TRAF3IP3: variants seen among roughly 807,000 people sequenced by gnomAD.
The protein encoded by TRAF3IP3 is TRAF3 interacting protein 3, also known as TRAF3-interacting JNK-activating modulator.
Under a neutral mutation model 86.5 loss-of-function variants are expected in TRAF3IP3, and 64 were observed. The ratio of observed to expected loss-of-function variants is 0.74; its 90% CI spans 0.60 to 0.91. The LOEUF is 0.91. Ranked by LOEUF, TRAF3IP3 falls within the 40% of genes least tolerant of loss-of-function variation. The pLI is 0.00. For synonymous variants in TRAF3IP3, 220 were observed against 243.9 expected (o/e 0.90, Z 0.91); for missense variants, 579 against 642.9 (o/e 0.90, Z 1.07).
chr1:209,762,915 C>A, intron 5 of TRAF3IP3, 45 bp downstream of exon 5: 1 of 1,611,308 alleles, frequency 6.2e-7, no homozygotes, highest in Non-Finnish European at 8.5e-7. Flanking sequence ...CCATTCCTCT[C>A]TAGAGAGAAC....
chr1:209,769,367 G>A (rs1009157068), intron 8 of TRAF3IP3, among the ~76,000 whole-genome samples: 1 of 152,222 alleles, frequency 6.6e-6, no homozygotes, highest in Non-Finnish European at 1.5e-5. Flanking sequence ...TCAAACAGTA[G>A]AAGTCTTTGT....
intron 8 of TRAF3IP3, among the ~76,000 whole-genome samples, chr1:209,766,643 C>T (rs1241949238): frequency 6.6e-6 from 1 of 152,212 alleles, no homozygotes; most frequent in Non-Finnish European, 1.5e-5. Flanking sequence ...GCAGGTGGAC[C>T]ACTTGAGGCC....
chr1:209,768,699 GT>G (rs1412119331), intron 8 of TRAF3IP3: 47 of 985,428 alleles, frequency 4.8e-5, no homozygotes, highest in Non-Finnish European at 5.5e-5. Flanking sequence ...CTTCACTGGG[GT>G]TTATATGCCC....
intron 14 of TRAF3IP3, 128 bp downstream of exon 14, chr1:209,779,502 G>T: frequency 1.2e-6 from 1 of 801,124 alleles, no homozygotes; most frequent in Non-Finnish European, 2.2e-6. Flanking sequence ...TCCGGGATGT[G>T]TGGGAGCTTT....
chr1:209,781,563 TCC>T (rs2077781311), intron 16 of TRAF3IP3, 105 bp downstream of exon 16: 3 of 778,192 alleles, frequency 3.9e-6, no homozygotes, highest in Non-Finnish European at 4.4e-6. Context: ...CAACTGGCCA[TCC>T]TGTCCCACTG....
chr1:209,759,454 T>C (rs1406781640), intron 2 of TRAF3IP3, among the ~76,000 whole-genome samples: 1 of 151,638 alleles, frequency 6.6e-6, no homozygotes. Flanking sequence ...CCTGAGGGGG[T>C]GTGGTTAGCC....
intron 3 of TRAF3IP3, 145 bp downstream of exon 3, chr1:209,760,529 T>C (rs2077228538): frequency 4.3e-6 from 3 of 699,010 alleles, no homozygotes; most frequent in Non-Finnish European, 7.1e-6. Flanking sequence ...GAGCTACTTA[T>C]AGTAAAGTTG....
chr1:209,761,716 T>C (rs2077247826), intron 3 of TRAF3IP3, among the ~76,000 whole-genome samples: 1 of 152,258 alleles, frequency 6.6e-6, no homozygotes, highest in African/African-American at 2.4e-5. Context: ...AGGAACCTTA[T>C]GGATTATCTA....
chr1:209,760,195 A>G lies in TRAF3IP3; in HGVS notation c.156A>G (p.Gln52=), dbSNP rs2076150. The G allele has an allele frequency of 0.25, 410,884 of 1,613,936 alleles. 60,820 individuals carry two copies. The highest frequency in any genetic ancestry group is 0.69 in the African/African-American group (51,767 of 74,980). The change falls in exon 3 of 17, where the codon CAA becomes CAG. Residue 52 remains glutamine (Q), a synonymous_variant. Transcript: ENST00000367025. ...AGGTGGGGAAGACGCTGAGGATCCAACAGAGAGAGCAGCTCCAGAGAGCTC... is the reference window on the plus strand; with the variant it reads ...AGGTGGGGAAGACGCTGAGGATCCAGCAGAGAGAGCAGCTCCAGAGAGCTC... The part of the protein sequence containing the change: ...CRQVGKTLRI[Q]QREQLQRARL...
At chr1:209,768,418 A>G in intron 8 of TRAF3IP3, 1 of 985,536 alleles carries the variant, frequency 1.0e-6, no homozygotes, top group African/African-American at 1.7e-5. Context: ...AGCTTTCAAT[A>G]TTGTGCAATA....
chr1:209,775,792 A>T, intron 11 of TRAF3IP3, 56 bp downstream of exon 11: 1 of 1,527,030 alleles, frequency 6.5e-7, no homozygotes, highest in Non-Finnish European at 8.8e-7. Context: ...AGGGATGGTG[A>T]TGAAAGAAGC....
intron 8 of TRAF3IP3, among the ~76,000 whole-genome samples, chr1:209,769,341 C>T (rs1571932642): frequency 6.6e-6 from 1 of 152,020 alleles, no homozygotes; most frequent in East Asian, 2.0e-4. Context: ...AGCCGTTTTA[C>T]CAGTTACTTC....
chr1:209,770,294 C>T lies in TRAF3IP3; in HGVS notation c.703-2654C>T, dbSNP rs994422667. On this transcript the variant is annotated intron_variant, in intron 8 of 16. Transcript: ENST00000367025. ...GTTCTCATCTTGAGTCTAGTATGTA[C>T]GTGTGCATGTGGAAATGTATGTATG... Among the ~76,000 whole-genome samples the T allele has an allele frequency of 2.0e-5, 3 of 152,214 alleles. No homozygotes were observed. The East Asian group carries it at 5.8e-4, about 29-fold the overall frequency.
At position 209,770,983 on chromosome 1, in the gene TRAF3IP3, T is replaced by G. The variant is rs371733542; in HGVS notation, c.703-1965T>G. Among the ~76,000 whole-genome samples the G allele has an allele frequency of 8.8e-3, 1,121 of 127,820 alleles. 17 individuals carry two copies. The highest frequency in any genetic ancestry group is 0.032 in the African/African-American group (1,011 of 31,484). 83.9% of individuals were successfully genotyped at this position (127,820 alleles called of 152,430 possible). ...GGAGGGGTGCGTGTGCATGTGGAGGTGTGTGTGTGCAGGTGGAGGTGTGCG... is the reference window on the plus strand; with the variant it reads ...GGAGGGGTGCGTGTGCATGTGGAGGGGTGTGTGTGCAGGTGGAGGTGTGCG... On this transcript the variant is annotated intron_variant, in intron 8 of 16. Coordinates refer to ENST00000367025, the MANE Select transcript of TRAF3IP3 (RefSeq NM_025228.4).
chr1:209,777,561 A>G, intron 12 of TRAF3IP3, 74 bp downstream of exon 12: 1 of 1,448,788 alleles, frequency 6.9e-7, no homozygotes, highest in Non-Finnish European at 9.3e-7. Flanking sequence ...AAACTGAATT[A>G]AGAGAAAGGC....
In TRAF3IP3 at chr1:209,770,793, G is replaced by A. The variant is rs1212984003; in HGVS notation, c.703-2155G>A. On this transcript the variant is annotated intron_variant, in intron 8 of 16. Coordinates refer to ENST00000367025, the MANE Select transcript of TRAF3IP3 (RefSeq NM_025228.4). ...TGTGCCTATGGAGGTGTGTGTGTGT[G>A]CATATGGAGGTGTGTGTGTGCAGGT... is the stretch of plus-strand genomic sequence containing the variant. Among the ~76,000 whole-genome samples the A allele has an allele frequency of 8.3e-5, 10 of 120,418 alleles. 1 individual carries two copies. Among genetic ancestry groups the A allele is most frequent in the Admixed American group, 7.3e-4 (8 of 10,928 alleles). The allele number at this position is 120,418 out of a possible 152,430, so 79.0% of individuals were successfully genotyped here.
In TRAF3IP3 at chr1:209,772,971, G is replaced by C. The variant is rs745448540; in HGVS notation, c.726G>C (p.Leu242=). The C allele has an allele frequency of 2.5e-6, 4 of 1,613,778 alleles. No individual in the cohort carries two copies. The African/African-American group carries it at 5.3e-5, about 22-fold the overall frequency. Residue 242 remains leucine, a synonymous_variant, in exon 9 of 17, where the codon CTG becomes CTC. Transcript: ENST00000367025. The part of the protein sequence containing the change: ...SWKGQLNEDK[L]KGKLRSLENQ... Reference sequence around the variant, plus strand: ...AGGGACAGCTTAATGAAGACAAACTGAAGGGGAAACTGAGATCCTTAGAAA... The same window carrying C: ...AGGGACAGCTTAATGAAGACAAACTCAAGGGGAAACTGAGATCCTTAGAAA...
intron 9 of TRAF3IP3, 84 bp from the exon 10 acceptor site, chr1:209,775,265 A>G: frequency 2.2e-6 from 3 of 1,387,216 alleles, no homozygotes; most frequent in Non-Finnish European, 3.0e-6. Context: ...GGAAGAACCA[A>G]CTTCTTTTCA....
intron 15 of TRAF3IP3, chr1:209,780,946 G>A: frequency 5.4e-6 from 1 of 185,486 alleles, no homozygotes; most frequent in Non-Finnish European, 1.1e-5. Context: ...CTCTTCCTTT[G>A]TACATACTCA....
Sources: allele counts gnomAD v4.1 joint callset (sites outside exome capture counted in the v4.1 genomes callset), GRCh38; gene constraint gnomAD v4.1.1; transcripts MANE v1.5; gene names NCBI Gene and HGNC (gene_info 2026-07-23, HGNC 2026-07-21).